The following LEPR variants were observed in gnomAD, a reference collection of about 807,000 sequenced individuals.
LEPR encodes OB receptor.
LEPR carries 56 observed loss-of-function variants against 114.7 expected under a neutral mutation model. The ratio of observed to expected loss-of-function variants is 0.49; its 90% CI spans 0.39 to 0.61. The LOEUF (loss-of-function observed/expected upper bound fraction) is 0.61, where lower values mean the gene tolerates loss of function less well. LEPR is among the 20% of genes least tolerant of loss of function. The probability of loss-of-function intolerance (pLI) is 0.00; values close to 1 mark genes in which losing one functional copy is unlikely to be tolerated. For synonymous variants in LEPR, 443 were observed against 461.4 expected (o/e 0.96, Z 0.51); for missense variants, 1,202 against 1,352.9 (o/e 0.89, Z 1.75).
intron 3 of LEPR, among the ~76,000 whole-genome samples, chr1:65,568,892 T>C (rs1371971191): frequency 2.0e-5 from 3 of 152,240 alleles, no homozygotes; most frequent in African/African-American, 4.8e-5. Flanking sequence ...TGGTATCTCA[T>C]TGTAGTTTTA....
rs557013620 is a variant in LEPR at position 65,595,333 on chromosome 1, T to C, written c.704-1115T>C. Among the ~76,000 whole-genome samples the C allele has an allele frequency of 3.3e-5, 5 of 152,184 alleles. No individual in the cohort carries two copies. The South Asian group carries it at 1.0e-3, about 32-fold the overall frequency. ...ACTCCTTCATGGCCTCCCAACTCCATTGTGTTAGGGTTTCACACTAGTAAC... is the reference window on the plus strand; with the variant it reads ...ACTCCTTCATGGCCTCCCAACTCCACTGTGTTAGGGTTTCACACTAGTAAC... On this transcript the variant is annotated intron_variant, in intron 6 of 19. Transcript: ENST00000349533.
rs1557620238 is a variant in LEPR, at chr1:65,488,215, TCTCTC to T, written c.-21+62838_-21+62842del. ...TTCTTTCTTTCTTTCTTTCTTTCTCTCTCTCTCTCTCTCTTTCTTTCTTTCTTTCT... is the reference window on the plus strand; with the variant it reads ...TTCTTTCTTTCTTTCTTTCTTTCTCTTCTCTCTCTTTCTTTCTTTCTTTCT... On this transcript the variant is annotated intron_variant, in intron 2 of 19. Transcript: ENST00000349533. 9.2e-3 allele frequency among the ~76,000 whole-genome samples: 486 copies of T among 52,632 alleles called. 6 individuals carry two copies. Among genetic ancestry groups the T allele is most frequent in the Middle Eastern group, 0.023 (2 of 86 alleles). 34.5% of individuals were successfully genotyped at this position (52,632 alleles called of 152,430 possible). A position where few individuals can be genotyped will look rare whatever the true frequency, so the allele number is the denominator to read the frequency against.
intron 14 of LEPR, among the ~76,000 whole-genome samples, chr1:65,614,891 G>T (rs1389584902): frequency 1.3e-5 from 2 of 152,082 alleles, no homozygotes; most frequent in Non-Finnish European, 2.9e-5. Context: ...GCTATTGGAA[G>T]AAATGGCTAA....
intron 5 of LEPR, among the ~76,000 whole-genome samples, chr1:65,574,303 C>T (rs960938408): frequency 5.3e-5 from 8 of 152,098 alleles, no homozygotes; most frequent in African/African-American, 9.7e-5. Context: ...TGCTAAATGA[C>T]GAGTTAATGG....
chr1:65,474,611 A>C (rs1216325200), intron 2 of LEPR, among the ~76,000 whole-genome samples: 6 of 152,160 alleles, frequency 3.9e-5, no homozygotes, highest in Non-Finnish European at 5.9e-5. Context: ...TCACAGTCCC[A>C]TTACATACAC....
In LEPR at chr1:65,637,562, T is replaced by C. The variant is rs1029136716; in HGVS notation, c.*547T>C. On this transcript the variant is annotated 3_prime_UTR_variant, in exon 20 of 20. Coordinates refer to ENST00000349533, the MANE Select transcript of LEPR (RefSeq NM_002303.6). ...ATTGTTATGTACCAAATCTAAGATA[T>C]GTACCATAGAATGAAATAACCTGCA... The C allele has an allele frequency of 2.6e-5, 4 of 152,524 alleles. No individual in the cohort carries two copies. The highest frequency in any genetic ancestry group is 9.6e-5 in the African/African-American group (4 of 41,454). The allele number at this position is 152,524 out of a possible 1,614,324, so 9.4% of individuals were successfully genotyped here.
At chr1:65,466,990 C>T (rs977167859) in intron 2 of LEPR, among the ~76,000 whole-genome samples, 7 of 152,046 alleles carry the variant, frequency 4.6e-5, no homozygotes, top group Non-Finnish European at 8.8e-5. Flanking sequence ...TGCTTTAGCT[C>T]GGGGAAGTTT....
At chr1:65,477,805 A>T (rs945131102) in intron 2 of LEPR, among the ~76,000 whole-genome samples, 2 of 152,208 alleles carry the variant, frequency 1.3e-5, no homozygotes, top group African/African-American at 4.8e-5. Context: ...CCTTTAGATC[A>T]CATCTTTCTC....
chr1:65,458,231 C>T (rs1192781006), intron 2 of LEPR, among the ~76,000 whole-genome samples: 2 of 151,342 alleles, frequency 1.3e-5, no homozygotes. Context: ...GCTCTTTCAC[C>T]TCCTAGAGTC....
chr1:65,529,808 G>C (rs1650259944), intron 2 of LEPR, among the ~76,000 whole-genome samples: 1 of 152,118 alleles, frequency 6.6e-6, no homozygotes, highest in South Asian at 2.1e-4. Flanking sequence ...GTCCCTTACT[G>C]ACTTCCAGGA....
At chr1:65,539,063 G>GT (rs11350037) in intron 2 of LEPR, among the ~76,000 whole-genome samples, 451 of 134,998 alleles carry the variant, frequency 3.3e-3, no homozygotes, top group Admixed American at 6.1e-3. Context: ...TTATTTCCTG[G>GT]TTTTTTTTTT....
At chr1:65,520,745 A>T (rs1203493713) in intron 2 of LEPR, among the ~76,000 whole-genome samples, 1 of 152,246 alleles carries the variant, frequency 6.6e-6, no homozygotes, top group African/African-American at 2.4e-5. Context: ...AGCCAGTGAT[A>T]AGCATTGTTT....
chr1:65,449,517 C>T (rs1165657286), intron 2 of LEPR, among the ~76,000 whole-genome samples: 1 of 151,960 alleles, frequency 6.6e-6, no homozygotes, highest in South Asian at 2.1e-4. Flanking sequence ...TCAGAGGACT[C>T]GAACACCAGC....
intron 16 of LEPR, among the ~76,000 whole-genome samples, 155 bp downstream of exon 16, chr1:65,618,301 T>G (rs961299871): frequency 2.7e-5 from 4 of 147,606 alleles, no homozygotes; most frequent in African/African-American, 9.9e-5. Context: ...ATCAAAACAT[T>G]TAATTCTCTT....
At chr1:65,551,555 A>C (rs1652362295) in intron 2 of LEPR, among the ~76,000 whole-genome samples, 1 of 152,100 alleles carries the variant, frequency 6.6e-6, no homozygotes, top group African/African-American at 2.4e-5. Context: ...CAGTGGTGAT[A>C]TACCCTTTAT....
chr1:65,421,892 CG>C (rs1646258619), intron 1 of LEPR, among the ~76,000 whole-genome samples: 1 of 152,060 alleles, frequency 6.6e-6, no homozygotes, highest in Non-Finnish European at 1.5e-5. Flanking sequence ...GAAATGGAAA[CG>C]GACTAAGGGA....
intron 2 of LEPR, chr1:65,430,157 C>T (rs960798816): frequency 2.6e-5 from 26 of 989,262 alleles, no homozygotes; most frequent in Non-Finnish European, 3.3e-5. Context: ...TACTCAAGGC[C>T]GTGTGTTTTT....
chr1:65,596,499 A>G lies in LEPR; in HGVS notation c.755A>G (p.Asn252Ser). 1 of 1,612,926 alleles carries G rather than the reference A, an allele frequency of 6.2e-7. No homozygotes were observed. Among genetic ancestry groups the G allele is most frequent in the Non-Finnish European group, 8.5e-7 (1 of 1,179,262 alleles). ...GLHMEITDDG[N>S]LKISWSSPPL... ...CATATGGAAATCACAGATGATGGTA[A>G]TTTAAAGATTTCTTGGTCCAGCCCA... is the stretch of plus-strand genomic sequence containing the variant. The change falls in exon 7 of 20, where the codon AAT becomes AGT. Residue 252 changes from asparagine (N) to serine (S), a missense_variant. Coordinates refer to ENST00000349533, the MANE Select transcript of LEPR (RefSeq NM_002303.6).
chr1:65,448,764 A>C (rs537125260), intron 2 of LEPR, among the ~76,000 whole-genome samples: 43 of 152,188 alleles, frequency 2.8e-4, no homozygotes, highest in Non-Finnish European at 4.4e-4. Flanking sequence ...ATGTCTTTCA[A>C]AAAATTGGTC....
Sources: allele counts gnomAD v4.1 joint callset (sites outside exome capture counted in the v4.1 genomes callset), GRCh38; gene constraint gnomAD v4.1.1; transcripts MANE v1.5; gene names NCBI Gene and HGNC (gene_info 2026-07-23, HGNC 2026-07-21).